BTNL8: variants seen among roughly 807,000 people sequenced by gnomAD.
The protein encoded by BTNL8 is butyrophilin-like protein 8.
Under a neutral mutation model 36.1 loss-of-function variants are expected in BTNL8, and 22 were observed. The observed-to-expected ratio is 0.61, with a 90% CI of 0.44 to 0.87. The LOEUF (loss-of-function observed/expected upper bound fraction) is 0.87. Ranked by LOEUF, BTNL8 falls within the 40% of genes least tolerant of loss-of-function variation. BTNL8 has a pLI of 0.00. For missense variants in BTNL8, 526 were observed against 616.9 expected, an observed-to-expected ratio of 0.85 and a Z score of 1.56; for synonymous variants, 203 against 235.6, an observed-to-expected ratio of 0.86 and a Z score of 1.27.
At chr5:180,908,409 C>G (rs917566897) in intron 1 of BTNL8, among the ~76,000 whole-genome samples, 177 bp from the exon 2 acceptor site, 5 of 152,214 alleles carry the variant, frequency 3.3e-5, no homozygotes, top group African/African-American at 9.6e-5. Context: ...CGCCCACTGT[C>G]TGGCACTCCC....
rs143350458 is a variant in BTNL8 at position 180,922,391 on chromosome 5, G to A, written c.673+10777G>A. Among the ~76,000 whole-genome samples the A allele has an allele frequency of 2.1e-3, 321 of 151,752 alleles. 7 individuals are homozygous for A. The East Asian group carries it at 0.057, about 27-fold the overall frequency. The stretch of plus-strand genomic sequence containing the variant: ...TGTCCCAGAGGTGCTGGTATGTTGT[G>A]TCTTTTTTCTCATTAGTTTCAAAGA... On this transcript the variant is annotated intron_variant, in intron 3 of 7. Coordinates refer to ENST00000340184, the MANE Select transcript of BTNL8 (RefSeq NM_001040462.3).
At chr5:180,921,845 T>C (rs1757879879) in intron 3 of BTNL8, among the ~76,000 whole-genome samples, 1 of 152,124 alleles carries the variant, frequency 6.6e-6, no homozygotes, top group South Asian at 2.1e-4. Context: ...AAATTAAATA[T>C]GTACAGCTTT....
chr5:180,923,705 T>C (rs577463922), intron 3 of BTNL8, among the ~76,000 whole-genome samples: 16 of 152,036 alleles, frequency 1.1e-4, no homozygotes, highest in Admixed American at 9.8e-4. Context: ...AAGGAAAAAA[T>C]AGAATGCCTA....
chr5:180,902,288 G>T, intron 1 of BTNL8: 1 of 1,463,484 alleles, frequency 6.8e-7, no homozygotes, highest in South Asian at 1.2e-5. Context: ...TTTTTCCTCT[G>T]GATAACATGG....
At chr5:180,932,702 C>A (rs1758454656) in intron 3 of BTNL8, among the ~76,000 whole-genome samples, 1 of 152,066 alleles carries the variant, frequency 6.6e-6, no homozygotes, top group Non-Finnish European at 1.5e-5. Flanking sequence ...CAATAAAAAA[C>A]AAAGGATTCA....
At chr5:180,942,932 C>T (rs1464613516) in intron 3 of BTNL8, among the ~76,000 whole-genome samples, 1 of 151,852 alleles carries the variant, frequency 6.6e-6, no homozygotes, top group Non-Finnish European at 1.5e-5. Flanking sequence ...CAGAAACAGA[C>T]AAGTGTGATT....
chr5:180,943,562 A>C (rs1759089888), intron 3 of BTNL8, among the ~76,000 whole-genome samples: 1 of 152,244 alleles, frequency 6.6e-6, no homozygotes, highest in South Asian at 2.1e-4. Flanking sequence ...AACATTACTC[A>C]AGTTAAAATT....
rs1431720188 is a variant in BTNL8 at position 180,947,527 on chromosome 5, CTA to C, written c.693_694del (p.Ser232ValfsTer73). On this transcript the variant is annotated frameshift_variant, in exon 4 of 8. Coordinates refer to ENST00000340184, the MANE Select transcript of BTNL8 (RefSeq NM_001040462.3). LOFTEE classifies it high-confidence loss of function. ...TGTTTTTCAGATACCTTTTTCGAGC[CTA>C]TATCGTGGCACCTGGCTACCAAAGT... The C allele has an allele frequency of 6.2e-7, 1 of 1,613,562 alleles. No individual in the cohort carries two copies. Among genetic ancestry groups the C allele is most frequent in the Non-Finnish European group, 8.5e-7 (1 of 1,179,600 alleles).
rs1285336219 is a variant in BTNL8 at position 180,907,143 on chromosome 5, A to G, written c.50-1443A>G. On this transcript the variant is annotated intron_variant, in intron 1 of 7. Coordinates refer to ENST00000340184, the MANE Select transcript of BTNL8 (RefSeq NM_001040462.3). ...TTTCCAACTTGGTTCCATTCTCCCC[A>G]TCACTTTCAGGTACACCAATCAGAC... Among the ~76,000 whole-genome samples, 14 of 119,426 alleles carry G rather than the reference A, an allele frequency of 1.2e-4. 2 individuals are homozygous for G. The highest frequency in any genetic ancestry group is 6.0e-4 in the African/African-American group (14 of 23,300). The allele number at this position is 119,426 out of a possible 152,430, so 78.3% of individuals were successfully genotyped here. A position where few individuals can be genotyped will look rare whatever the true frequency, so the allele number is the denominator to read the frequency against.
At chr5:180,928,591 A>G (rs1421126489) in intron 3 of BTNL8, among the ~76,000 whole-genome samples, 3 of 152,230 alleles carry the variant, frequency 2.0e-5, no homozygotes, top group Non-Finnish European at 4.4e-5. Flanking sequence ...AAAGACACAC[A>G]TAGGCTCAAA....
rs112784813 is a variant in BTNL8, at chr5:180,908,743, C to G, written c.207C>G (p.Asp69Glu). The G allele has an allele frequency of 5.6e-6, 9 of 1,613,858 alleles. No homozygotes were observed. The highest frequency in any genetic ancestry group is 5.5e-5 in the South Asian group (5 of 91,084). Residue 69 changes from aspartate (D) to glutamate (E), a missense_variant, in exon 2 of 8, where the codon GAC (aspartate) becomes GAG (glutamate). Around this residue, in one of 2 missense-constraint regions of BTNL8, gnomAD observed 350 missense variants for 324.6 expected, o/e 1.08. Transcript: ENST00000340184. Reference sequence around the variant, plus strand: ...CTAGCGTGGTCCACCTCTACAGGGACGGGAAGGACCAGCCATTTATGCAGA... The same window carrying G: ...CTAGCGTGGTCCACCTCTACAGGGAGGGGAAGGACCAGCCATTTATGCAGA... ...QFSSVVHLYRDGKDQPFMQMP... is the reference protein window; with the variant it reads ...QFSSVVHLYREGKDQPFMQMP...
At chr5:180,943,814 T>C (rs1284961786) in intron 3 of BTNL8, among the ~76,000 whole-genome samples, 1 of 152,208 alleles carries the variant, frequency 6.6e-6, no homozygotes, top group Non-Finnish European at 1.5e-5. Context: ...CTATTCACAA[T>C]AGCTAAGATA....
intron 3 of BTNL8, among the ~76,000 whole-genome samples, chr5:180,927,361 T>C (rs147539368): frequency 2.2e-4 from 33 of 152,138 alleles, no homozygotes; most frequent in African/African-American, 7.2e-4. Context: ...GATAAATCCA[T>C]GAAGATGAGG....
chr5:180,942,299 A>C, intron 3 of BTNL8, among the ~76,000 whole-genome samples: 1 of 152,296 alleles, frequency 6.6e-6, no homozygotes, highest in Admixed American at 6.5e-5. Flanking sequence ...AGGGAACACA[A>C]ACAAATGAAA....
At position 180,899,366 on chromosome 5, in the gene BTNL8, C is replaced by A; in HGVS notation, c.49+7C>A. 2 of 1,612,484 alleles carry A rather than the reference C, an allele frequency of 1.2e-6. No individual in the cohort carries two copies. Among genetic ancestry groups the A allele is most frequent in the Non-Finnish European group, 1.7e-6 (2 of 1,178,476 alleles). ...CTCCTCAAGCTGGGATCAGGTAAGA[C>A]TCATCTTTGTTTCCTCCTTACTAAC... is the stretch of plus-strand genomic sequence containing the variant. On this transcript the variant is annotated splice_region_variant and intron_variant, in intron 1 of 7. Coordinates refer to ENST00000340184, the MANE Select transcript of BTNL8 (RefSeq NM_001040462.3).
At chr5:180,927,878 G>A (rs1430642370) in intron 3 of BTNL8, among the ~76,000 whole-genome samples, 2 of 152,116 alleles carry the variant, frequency 1.3e-5, no homozygotes, top group Non-Finnish European at 2.9e-5. Context: ...TGAAAGTGAC[G>A]GGGAGAATGG....
intron 3 of BTNL8, among the ~76,000 whole-genome samples, chr5:180,919,394 T>C (rs1282904797): frequency 6.6e-6 from 1 of 152,234 alleles, no homozygotes; most frequent in East Asian, 1.9e-4. Flanking sequence ...GTCCATTCAG[T>C]TGACTGGGAA....
intron 3 of BTNL8, among the ~76,000 whole-genome samples, chr5:180,936,334 A>G (rs956380152): frequency 1.2e-4 from 18 of 152,184 alleles, no homozygotes; most frequent in Non-Finnish European, 1.6e-4. Context: ...CATCTTATAT[A>G]TAGAAAATCC....
At chr5:180,900,221 G>C (rs1227146566) in intron 1 of BTNL8, among the ~76,000 whole-genome samples, 1 of 152,160 alleles carries the variant, frequency 6.6e-6, no homozygotes, top group African/African-American at 2.4e-5. Flanking sequence ...TTCCGGGTGA[G>C]GCAGCAGGAC....
Sources: gnomAD v4.1 joint callset for allele counts (sites outside exome capture counted in the v4.1 genomes callset) on GRCh38, gnomAD v4.1.1 for gene constraint, gnomAD v4.1.1 regional missense constraint, MANE v1.5 for transcripts, NCBI Gene and HGNC (gene_info 2026-07-23, HGNC 2026-07-21) for gene names.